CUBN: variants seen among roughly 807,000 people sequenced by gnomAD.
CUBN encodes the protein 460 kDa receptor.
CUBN carries 282 observed loss-of-function variants against 405.3 expected under a neutral mutation model. The ratio of observed to expected loss-of-function variants is 0.70; its 90% CI spans 0.63 to 0.77. The LOEUF (loss-of-function observed/expected upper bound fraction) is 0.77. CUBN is among the 30% of genes least tolerant of loss of function. The probability of loss-of-function intolerance (pLI) is 0.00; values close to 1 mark genes in which losing one functional copy is unlikely to be tolerated. For synonymous variants in CUBN, 1,684 were observed against 1,617.0 expected, an observed-to-expected ratio of 1.04 and a Z score of -0.99; for missense variants, 4,514 against 4,475.2, an observed-to-expected ratio of 1.01 and a Z score of -0.25.
intron 27 of CUBN, among the ~76,000 whole-genome samples, chr10:17,028,138 A>C (rs1200428646): frequency 6.6e-6 from 1 of 152,080 alleles, no homozygotes; most frequent in East Asian, 1.9e-4. Flanking sequence ...AAAGCTAAGC[A>C]TACTCTCCTG....
chr10:16,921,800 AGTCT>A (rs1247882110), intron 43 of CUBN, among the ~76,000 whole-genome samples: 2 of 152,210 alleles, frequency 1.3e-5, no homozygotes, highest in African/African-American at 4.8e-5. Context: ...AATGATAAGC[AGTCT>A]GTTGATTATT....
At chr10:16,952,539 C>T in intron 32 of CUBN, 150 bp from the exon 33 acceptor site, 1 of 648,714 alleles carries the variant, frequency 1.5e-6, no homozygotes, top group South Asian at 1.6e-5. Flanking sequence ...GAGAGCTGTA[C>T]ATAAACCATG....
In CUBN at chr10:17,068,175, G is replaced by A; in HGVS notation, c.2897C>T (p.Pro966Leu). 1 of 1,613,704 alleles carries A rather than the reference G, an allele frequency of 6.2e-7. No individual in the cohort carries two copies. Among genetic ancestry groups the A allele is most frequent in the Non-Finnish European group, 8.5e-7 (1 of 1,179,670 alleles). ...INCTWHILVQ[P>L]NHLIHLMFET... Reference sequence around the variant, plus strand: ...GAACATTAAATGAATCAGGTGATTAGGTTGGACTAATATATGCCAAGTACA... The same window carrying A: ...GAACATTAAATGAATCAGGTGATTAAGTTGGACTAATATATGCCAAGTACA... The change falls in exon 21 of 67, where the codon CCT (proline) becomes CTT (leucine). Residue 966 changes from proline (P) to leucine (L), a missense_variant. Pro to Leu is a moderately conservative substitution (Grantham distance 98). This residue lies in a region of CUBN where 1,448 missense variants were observed against 1,388.0 expected (regional missense o/e 1.04). Coordinates refer to ENST00000377833, the MANE Select transcript of CUBN (RefSeq NM_001081.4).
At position 17,104,304 on chromosome 10, in the gene CUBN, T is replaced by C; in HGVS notation, c.1417+115A>G. On this transcript the variant is annotated intron_variant, in intron 12 of 66. Coordinates refer to ENST00000377833, the MANE Select transcript of CUBN (RefSeq NM_001081.4). ...CTGCAAGGAAAGACTTAGTTCTCAG[T>C]ATCTGAGCAACTGGACAAGAAAGTG... 3 of 848,504 alleles carry C rather than the reference T, an allele frequency of 3.5e-6. No homozygotes were observed. The Admixed American group carries it at 5.9e-5, about 17-fold the overall frequency. The allele number at this position is 848,504 out of a possible 1,614,324, so 52.6% of individuals were successfully genotyped here. A position where few individuals can be genotyped will look rare whatever the true frequency, so the allele number is the denominator to read the frequency against.
chr10:16,893,395 CGTGT>C (rs34859798), intron 54 of CUBN, among the ~76,000 whole-genome samples: 5,311 of 150,406 alleles, frequency 0.035, 307 homozygotes, highest in African/African-American at 0.12. Context: ...TACTTGAACT[CGTGT>C]GTGTGTGTGT....
At chr10:16,925,030 C>T (rs571024100) in intron 43 of CUBN, among the ~76,000 whole-genome samples, 2 of 152,072 alleles carry the variant, frequency 1.3e-5, no homozygotes, top group African/African-American at 2.4e-5. Flanking sequence ...AAAGTCCAAG[C>T]CTCATTTTAT....
At chr10:16,851,717 CATCTTTCCCTCCCTCCCTCT>C in intron 59 of CUBN, among the ~76,000 whole-genome samples, 1 of 136,562 alleles carries the variant, frequency 7.3e-6, no homozygotes, top group Non-Finnish European at 1.6e-5. Flanking sequence ...TCCTTCCCTC[CATCTTTCCCTCCCTCCCTCT>C]ATCTTTCCCT....
intron 54 of CUBN, 32 bp downstream of exon 54, chr10:16,898,963 CT>C: frequency 6.6e-7 from 1 of 1,516,382 alleles, no homozygotes; most frequent in Non-Finnish European, 9.2e-7. Flanking sequence ...ACAAAACCAA[CT>C]TGGCTCCAAT....
rs150790202 is a variant in CUBN, at chr10:16,999,647, A to G, written c.4169-9132T>C. 8.1e-4 allele frequency among the ~76,000 whole-genome samples: 123 copies of G among 152,378 alleles called. 2 individuals carry two copies. In the East Asian group the frequency reaches 0.02, roughly 25 times the overall value. ...TTCCCTGAAATAAGCAGTCATGCCT[A>G]AGGCTACTGAAAGCTTCTTTATGAA... On this transcript the variant is annotated intron_variant, in intron 28 of 66. Coordinates refer to ENST00000377833, the MANE Select transcript of CUBN (RefSeq NM_001081.4).
At position 17,122,784 on chromosome 10, in the gene CUBN, A is replaced by T; in HGVS notation, c.593+11T>A. The T allele has an allele frequency of 6.3e-7, 1 of 1,591,932 alleles. No homozygotes were observed. The highest frequency in any genetic ancestry group is 8.6e-7 in the Non-Finnish European group (1 of 1,161,250). On this transcript the variant is annotated intron_variant, in intron 6 of 66. Coordinates refer to ENST00000377833, the MANE Select transcript of CUBN (RefSeq NM_001081.4). Reference sequence around the variant, plus strand: ...ATACTGATATTTACCAAAAAAAAAAAAAAAAGTTACCTGTAACTTCCCATT... The same window carrying T: ...ATACTGATATTTACCAAAAAAAAAATAAAAAGTTACCTGTAACTTCCCATT...
intron 31 of CUBN, among the ~76,000 whole-genome samples, chr10:16,956,772 T>C (rs748475088): frequency 4.7e-4 from 71 of 152,152 alleles, no homozygotes; most frequent in Non-Finnish European, 8.5e-4. Context: ...ACTATTTACT[T>C]CTCTCAAGAT....
At chr10:16,865,711 G>A (rs1405183080) in intron 59 of CUBN, among the ~76,000 whole-genome samples, 1 of 152,090 alleles carries the variant, frequency 6.6e-6, no homozygotes, top group Non-Finnish European at 1.5e-5. Context: ...AGGGCACTCT[G>A]ATAGGACAAA....
chr10:16,841,137 C>A (rs1344053310), intron 60 of CUBN, 90 bp from the exon 61 acceptor site: 2 of 1,067,760 alleles, frequency 1.9e-6, no homozygotes, highest in Non-Finnish European at 1.4e-6. Flanking sequence ...CAATAGGTCA[C>A]GGTAAACATT....
chr10:17,011,196 G>A (rs1331249164), intron 28 of CUBN, among the ~76,000 whole-genome samples: 1 of 152,194 alleles, frequency 6.6e-6, no homozygotes, highest in Non-Finnish European at 1.5e-5. Flanking sequence ...AGTGTGTCTG[G>A]AATTTATTCC....
intron 43 of CUBN, among the ~76,000 whole-genome samples, chr10:16,924,259 G>T (rs541996691): frequency 6.6e-6 from 1 of 152,162 alleles, no homozygotes; most frequent in Non-Finnish European, 1.5e-5. Flanking sequence ...ATGGAGGGAT[G>T]AGAAGGTCCC....
At chr10:17,028,291 C>T (rs1408757968) in intron 27 of CUBN, among the ~76,000 whole-genome samples, 1 of 151,406 alleles carries the variant, frequency 6.6e-6, no homozygotes, top group African/African-American at 2.4e-5. Context: ...CCACCTGCTG[C>T]AGATGGTCTC....
intron 39 of CUBN, among the ~76,000 whole-genome samples, chr10:16,935,714 C>T (rs1588665332): frequency 2.0e-5 from 3 of 151,482 alleles, no homozygotes; most frequent in Admixed American, 2.0e-4. Context: ...CCCATCTGTA[C>T]TAAAAATACA....
At position 16,826,722 on chromosome 10, in the gene CUBN, G is replaced by A. The variant is rs139919120; in HGVS notation, c.10765-1640C>T. On this transcript the variant is annotated intron_variant, in intron 66 of 66. Coordinates refer to ENST00000377833, the MANE Select transcript of CUBN (RefSeq NM_001081.4). ...TAACGTGGCATTGGATTAAATGGCC[G>A]TCACTTCTCTCAGTGACTCGGTTTA... Among the ~76,000 whole-genome samples the A allele has an allele frequency of 1.6e-4, 24 of 152,216 alleles. No homozygotes were observed. The East Asian group carries it at 3.1e-3, about 20-fold the overall frequency.
chr10:17,034,563 G>A (rs1478969231), intron 27 of CUBN, among the ~76,000 whole-genome samples: 2 of 152,172 alleles, frequency 1.3e-5, no homozygotes, highest in Non-Finnish European at 2.9e-5. Context: ...CTTGTGCAAA[G>A]CTTGCTCTTG....
Sources: allele counts gnomAD v4.1 joint callset (sites outside exome capture counted in the v4.1 genomes callset), GRCh38; gene constraint gnomAD v4.1.1; regional missense constraint gnomAD v4.1.1; transcripts MANE v1.5; gene names NCBI Gene and HGNC (gene_info 2026-07-23, HGNC 2026-07-21).